Variants in RXRA observed in about 807,000 individuals in gnomAD.
The protein encoded by RXRA is retinoic acid receptor RXR-alpha.
Under a neutral mutation model 44.5 loss-of-function variants are expected in RXRA, and 5 were observed. That is an observed-to-expected ratio of 0.11 (90% CI 0.06 to 0.24). The LOEUF (loss-of-function observed/expected upper bound fraction) is 0.24. Ranked by LOEUF, RXRA falls within the 10% of genes least tolerant of loss-of-function variation. The pLI, the probability that RXRA is intolerant of heterozygous loss-of-function variation, is 1.00. For missense variants in RXRA, 412 were observed against 646.5 expected (o/e 0.64, Z 3.93); for synonymous variants, 291 against 271.4 (o/e 1.07, Z -0.71).
At chr9:134,370,012 C>T (rs1402576365) in intron 1 of RXRA, among the ~76,000 whole-genome samples, 1 of 152,200 alleles carries the variant, frequency 6.6e-6, no homozygotes, top group Non-Finnish European at 1.5e-5. Flanking sequence ...GAGGAAAGCA[C>T]AGCCCGTTTC....
intron 1 of RXRA, chr9:134,379,314 G>C: frequency 3.0e-6 from 3 of 987,226 alleles, no homozygotes; most frequent in Non-Finnish European, 3.6e-6. Context: ...CTGTGCATGG[G>C]GTGGGGATGA....
intron 1 of RXRA, among the ~76,000 whole-genome samples, chr9:134,377,646 G>A (rs1456678130): frequency 6.6e-6 from 1 of 152,224 alleles, no homozygotes; most frequent in African/African-American, 2.4e-5. Context: ...TGGCCTTTAT[G>A]AAAACAGAGG....
At chr9:134,416,839 C>T (rs1024817540) in intron 4 of RXRA, among the ~76,000 whole-genome samples, 1 of 152,196 alleles carries the variant, frequency 6.6e-6, no homozygotes, top group South Asian at 2.1e-4. Flanking sequence ...TCCTGGTTCT[C>T]CCTGAGTCCA....
rs1831626372 is a variant in RXRA, at chr9:134,436,623, GC to G, written c.*12del. 5 of 1,613,684 alleles carry G rather than the reference GC, an allele frequency of 3.1e-6. No individual in the cohort carries two copies. The highest frequency in any genetic ancestry group is 1.7e-4 in the Middle Eastern group (1 of 6,060). On this transcript the variant is annotated 3_prime_UTR_variant, in exon 10 of 10. Coordinates refer to ENST00000481739, the MANE Select transcript of RXRA (RefSeq NM_002957.6). ...CGCACCAAATGACTTAGGCCTGCGGGCCCATCCTTTGTGCCCACCCGTTCTG... is the reference window on the plus strand; with the variant it reads ...CGCACCAAATGACTTAGGCCTGCGGGCCATCCTTTGTGCCCACCCGTTCTG...
chr9:134,339,600 CGT>C (rs1291323743), intron 1 of RXRA, among the ~76,000 whole-genome samples: 9 of 126,088 alleles, frequency 7.1e-5, no homozygotes, highest in African/African-American at 2.5e-4. Flanking sequence ...TGAGCCTGTG[CGT>C]GTGTTTCTGT....
At chr9:134,390,703 A>G (rs898096895) in intron 1 of RXRA, among the ~76,000 whole-genome samples, 1 of 152,106 alleles carries the variant, frequency 6.6e-6, no homozygotes, top group African/African-American at 2.4e-5. Context: ...GAGGGCGCCC[A>G]TGTTGGGGTT....
chr9:134,422,120 C>A lies in RXRA; in HGVS notation c.910+315C>A, dbSNP rs558262474. On this transcript the variant is annotated intron_variant, in intron 6 of 9. Transcript: ENST00000481739. ...ACTCCTGGGACACACTTCTACCTCC[C>A]GGGACACTCCCCACTCCTGGGACAC... The A allele has an allele frequency of 4.0e-4, 533 of 1,327,196 alleles. 1 individual carries two copies. Among genetic ancestry groups the A allele is most frequent in the Non-Finnish European group, 5.0e-4 (512 of 1,014,030 alleles). 82.2% of individuals were successfully genotyped at this position (1,327,196 alleles called of 1,614,324 possible). A position where few individuals can be genotyped will look rare whatever the true frequency, so the allele number is the denominator to read the frequency against.
At position 134,408,924 on chromosome 9, in the gene RXRA, C is replaced by G; in HGVS notation, c.431-16C>G. The G allele has an allele frequency of 2.0e-6, 3 of 1,505,392 alleles. No homozygotes were observed. The highest frequency in any genetic ancestry group is 2.7e-6 in the Non-Finnish European group (3 of 1,122,714). The allele number at this position is 1,505,392 out of a possible 1,614,324, so 93.3% of individuals were successfully genotyped here. On this transcript the variant is annotated splice_polypyrimidine_tract_variant and intron_variant, in intron 3 of 9. Transcript: ENST00000481739. ...GCGGTGGGTGCTCCCCAGCCCTGCTCTGCCCTGTCCCGCAGGCAAGCACTA... is the reference window on the plus strand; with the variant it reads ...GCGGTGGGTGCTCCCCAGCCCTGCTGTGCCCTGTCCCGCAGGCAAGCACTA...
chr9:134,406,888 TC>T (rs1361440044), intron 2 of RXRA, among the ~76,000 whole-genome samples: 2 of 152,156 alleles, frequency 1.3e-5, no homozygotes, highest in African/African-American at 4.8e-5. Flanking sequence ...CCCCTTCAGT[TC>T]CCTCCCTTCT....
At chr9:134,408,738 C>A (rs1414579292) in intron 3 of RXRA, among the ~76,000 whole-genome samples, 1 of 152,196 alleles carries the variant, frequency 6.6e-6, no homozygotes, top group Non-Finnish European at 1.5e-5. Flanking sequence ...TGGGATTTGT[C>A]CCTGCCCCAC....
At position 134,438,761 on chromosome 9, in the gene RXRA, G is replaced by A. The variant is rs528466066; in HGVS notation, c.*2147G>A. 167 of 152,976 alleles carry A rather than the reference G, an allele frequency of 1.1e-3. No individual in the cohort carries two copies. Among genetic ancestry groups the A allele is most frequent in the African/African-American group, 3.8e-3 (157 of 41,614 alleles). The allele number at this position is 152,976 out of a possible 1,614,324, so 9.5% of individuals were successfully genotyped here. On this transcript the variant is annotated 3_prime_UTR_variant, in exon 10 of 10. Coordinates refer to ENST00000481739, the MANE Select transcript of RXRA (RefSeq NM_002957.6). ...CGTGCCCGGACCCTTGGGAATGCCCGCGGCTCCAGAGGAAAAAGCCCAGGG... is the reference window on the plus strand; with the variant it reads ...CGTGCCCGGACCCTTGGGAATGCCCACGGCTCCAGAGGAAAAAGCCCAGGG...
rs1199445263 is a variant in RXRA, at chr9:134,436,527, A to G, written c.1302A>G (p.Glu434=). 1 of 1,614,176 alleles carries G rather than the reference A, an allele frequency of 6.2e-7. No individual in the cohort carries two copies. Among genetic ancestry groups the G allele is most frequent in the South Asian group, 1.1e-5 (1 of 91,088 alleles). ...ALRSIGLKCL[E]HLFFFKLIGD... is the part of the protein sequence containing the mutation. ...GCTCCATCGGGCTCAAATGCCTGGAACATCTCTTCTTCTTCAAGCTCATCG... is the reference window on the plus strand; with the variant it reads ...GCTCCATCGGGCTCAAATGCCTGGAGCATCTCTTCTTCTTCAAGCTCATCG... The change falls in exon 10 of 10, where the codon GAA becomes GAG. Residue 434 remains glutamate (E), a synonymous_variant. Transcript: ENST00000481739.
intron 1 of RXRA, among the ~76,000 whole-genome samples, chr9:134,354,581 G>T (rs1830260759): frequency 1.3e-5 from 2 of 152,160 alleles, no homozygotes; most frequent in African/African-American, 4.8e-5. Flanking sequence ...CAGCCGTGGG[G>T]GTGGTGCCTG....
chr9:134,407,625 C>T lies in RXRA; in HGVS notation c.280-524C>T, dbSNP rs1588292922. Among the ~76,000 whole-genome samples, 2 of 152,178 alleles carry T rather than the reference C, an allele frequency of 1.3e-5. No individual in the cohort carries two copies. Among genetic ancestry groups the T allele is most frequent in the East Asian group, 3.9e-4 (2 of 5,136 alleles). ...CACTCCCCTCTCCTGGGTCACGTGACCAGGGCCCCTGCCCTGCGGTGTTGT... is the reference window on the plus strand; with the variant it reads ...CACTCCCCTCTCCTGGGTCACGTGATCAGGGCCCCTGCCCTGCGGTGTTGT... On this transcript the variant is annotated intron_variant, in intron 2 of 9. Transcript: ENST00000481739. This position sits in a 1 kb window ranked among gnomAD's most constrained non-coding sequence, Gnocchi z 4.8.
rs185688382 is a variant in RXRA at position 134,433,252 on chromosome 9, G to A, written c.1136-850G>A. On this transcript the variant is annotated intron_variant, in intron 8 of 9. Transcript: ENST00000481739. This position sits in a 1 kb window ranked among gnomAD's most constrained non-coding sequence, Gnocchi z 4.2. ...GTCATGCCACGGCCCGGCCCGGCCC[G>A]AGGAATCCCCATTCAGGTCCTGTGT... 3.5e-3 allele frequency among the ~76,000 whole-genome samples: 534 copies of A among 152,270 alleles called. 4 individuals carry two copies. The highest frequency in any genetic ancestry group is 0.012 in the African/African-American group (511 of 41,552).
At chr9:134,328,421 G>C (rs1294723874) in intron 1 of RXRA, among the ~76,000 whole-genome samples, 1 of 152,000 alleles carries the variant, frequency 6.6e-6, no homozygotes, top group African/African-American at 2.4e-5. Context: ...GAGGAGGAGA[G>C]GTCGTGCCTC....
intron 1 of RXRA, among the ~76,000 whole-genome samples, chr9:134,330,402 C>G (rs1375134585): frequency 6.6e-6 from 1 of 152,184 alleles, no homozygotes; most frequent in Admixed American, 6.5e-5. Flanking sequence ...TCTAGGGCCA[C>G]AAGGGCCTGG....
rs745448895 is a variant in RXRA, at chr9:134,407,037, G to A, written c.280-1112G>A. Among the ~76,000 whole-genome samples, 4 of 152,146 alleles carry A rather than the reference G, an allele frequency of 2.6e-5. No individual in the cohort carries two copies. The highest frequency in any genetic ancestry group is 4.8e-5 in the African/African-American group (2 of 41,426). Reference sequence around the variant, plus strand: ...GTCACGGGGGACCTCCTGGCCTCTCGCAGCCCACCTGAGTCCTGCAGGGAC... The same window carrying A: ...GTCACGGGGGACCTCCTGGCCTCTCACAGCCCACCTGAGTCCTGCAGGGAC... On this transcript the variant is annotated intron_variant, in intron 2 of 9. Transcript: ENST00000481739. This position sits in a 1 kb window ranked among gnomAD's most constrained non-coding sequence, Gnocchi z 4.8.
chr9:134,424,423 G>A (rs1401176872), intron 6 of RXRA: 4 of 985,336 alleles, frequency 4.1e-6, no homozygotes, highest in African/African-American at 1.7e-5. Flanking sequence ...GCCCACTGAG[G>A]TCCTTGCTGA....
Sources: gnomAD v4.1 joint callset for allele counts (sites outside exome capture counted in the v4.1 genomes callset) on GRCh38, gnomAD v4.1.1 for gene constraint, Gnocchi (gnomAD v3.1) non-coding constraint, MANE v1.5 for transcripts, NCBI Gene and HGNC (gene_info 2026-07-23, HGNC 2026-07-21) for gene names.